Variants in PPFIA3 observed in about 807,000 individuals in gnomAD.
The protein encoded by PPFIA3 is liprin-alpha-3.
PPFIA3 carries 26 observed loss-of-function variants against 145.8 expected under a neutral mutation model. That is an observed-to-expected ratio of 0.18 (90% confidence interval 0.13 to 0.25). The LOEUF is 0.25. Ranked by LOEUF, PPFIA3 falls within the 10% of genes least tolerant of loss-of-function variation. The pLI, the probability that PPFIA3 is intolerant of heterozygous loss-of-function variation, is 1.00. For synonymous variants in PPFIA3, 645 were observed against 661.4 expected (o/e 0.98, Z 0.38); for missense variants, 1,008 against 1,587.8 (o/e 0.63, Z 6.21).
At chr19:49,125,405 T>G (rs2040985044) in intron 1 of PPFIA3, 2 of 152,354 alleles carry the variant, frequency 1.3e-5, no homozygotes, top group South Asian at 4.1e-4. Context: ...AAGTCCCTCC[T>G]GCTTTCCGCC....
Position 49,128,189 on chromosome 19 carries a change from T to A in PPFIA3, c.240+76T>A. The stretch of plus-strand genomic sequence containing the variant: ...GAAGGCGGTCCGGAAGGGGCCGGGC[T>A]TGGCGCCTGGAAGGGAGGAGTCTGG... On this transcript the variant is annotated intron_variant, in intron 2 of 29. Transcript: ENST00000334186. The surrounding 1 kb of genome is among the most constrained non-coding windows in gnomAD (Gnocchi z 4.1). 6.8e-7 allele frequency: 1 copy of A among 1,465,402 alleles called. No homozygotes were observed. Among genetic ancestry groups the A allele is most frequent in the Non-Finnish European group, 9.0e-7 (1 of 1,105,284 alleles). 90.8% of individuals were successfully genotyped at this position (1,465,402 alleles called of 1,614,324 possible).
chr19:49,149,246 C>T lies in PPFIA3; in HGVS notation c.3286-11C>T, dbSNP rs534799187. ...CACGCTCCAACCGCCCCCTCCACCT[C>T]CTCTTTCCAGGCCCGGCAGCTTCTG... On this transcript the variant is annotated splice_polypyrimidine_tract_variant and intron_variant, in intron 26 of 29. Coordinates refer to ENST00000334186, the MANE Select transcript of PPFIA3 (RefSeq NM_003660.4). The surrounding 1 kb of genome is among the most constrained non-coding windows in gnomAD (Gnocchi z 5.7). 48 of 1,614,244 alleles carry T rather than the reference C, an allele frequency of 3.0e-5. No homozygotes were observed. In the South Asian group the frequency reaches 4.2e-4, roughly 14 times the overall value.
intron 1 of PPFIA3, among the ~76,000 whole-genome samples, chr19:49,127,237 C>T (rs968062064): frequency 6.6e-6 from 1 of 151,516 alleles, no homozygotes; most frequent in African/African-American, 2.4e-5. Flanking sequence ...CAAAAATTAG[C>T]TGGGCATGGT....
chr19:49,123,862 T>G (rs2040966075), intron 1 of PPFIA3, among the ~76,000 whole-genome samples: 1 of 152,158 alleles, frequency 6.6e-6, no homozygotes, highest in Admixed American at 6.5e-5. Context: ...AGCCTTAGTT[T>G]AGAACTTGTC....
rs4002348 is a variant in PPFIA3, at chr19:49,140,639, C to CTTTTTTTTTTTT, written c.2368+568_2368+579dup. On this transcript the variant is annotated intron_variant, in intron 18 of 29. Coordinates refer to ENST00000334186, the MANE Select transcript of PPFIA3 (RefSeq NM_003660.4). ...GTGCTGGGATTACAGACTCATTTAC[C>CTTTTTTTTTTTT]TTTTTTTTTTTTTTTTTTTTTTTTT... 2.3e-3 allele frequency among the ~76,000 whole-genome samples: 146 copies of CTTTTTTTTTTTT among 63,838 alleles called. 15 individuals carry two copies. The highest frequency in any genetic ancestry group is 0.011 in the African/African-American group (139 of 12,760). The allele number at this position is 63,838 out of a possible 152,430, so 41.9% of individuals were successfully genotyped here.
chr19:49,142,774 C>CCCCTCTGT (rs370440589), intron 20 of PPFIA3, 30 bp from the exon 21 acceptor site: 40 of 1,582,868 alleles, frequency 2.5e-5, no homozygotes, highest in African/African-American at 5.4e-5. Flanking sequence ...GTCCCTCTGT[C>CCCCTCTGT]CCCTCTGTCC....
rs139931447 is a variant in PPFIA3 at position 49,123,845 on chromosome 19, C to T, written c.-15-4014C>T. ...CCATTCATTTTCTGTCATTTTTTCC[C>T]CAGTGCAGCCTTAGTTTAGAACTTG... is the stretch of plus-strand genomic sequence containing the variant. On this transcript the variant is annotated intron_variant, in intron 1 of 29. Coordinates refer to ENST00000334186, the MANE Select transcript of PPFIA3 (RefSeq NM_003660.4). Among the ~76,000 whole-genome samples, 486 of 152,242 alleles carry T rather than the reference C, an allele frequency of 3.2e-3. 3 individuals carry two copies. Among genetic ancestry groups the T allele is most frequent in the African/African-American group, 0.011 (460 of 41,532 alleles).
rs4002348 is a variant in PPFIA3 at position 49,140,639 on chromosome 19, CTTTTTTTTTTT to C, written c.2368+569_2368+579del. Among the ~76,000 whole-genome samples, 240 of 63,850 alleles carry C rather than the reference CTTTTTTTTTTT, an allele frequency of 3.8e-3. 1 individual carries two copies. Among genetic ancestry groups the C allele is most frequent in the African/African-American group, 0.017 (222 of 12,772 alleles). 41.9% of individuals were successfully genotyped at this position (63,850 alleles called of 152,430 possible). On this transcript the variant is annotated intron_variant, in intron 18 of 29. Coordinates refer to ENST00000334186, the MANE Select transcript of PPFIA3 (RefSeq NM_003660.4). ...GTGCTGGGATTACAGACTCATTTAC[CTTTTTTTTTTT>C]TTTTTTTTTTTTTTTTTGTTTGGAG...
At chr19:49,143,774 G>GC (rs1187750684) in intron 21 of PPFIA3, among the ~76,000 whole-genome samples, 4 of 152,200 alleles carry the variant, frequency 2.6e-5, no homozygotes, top group Non-Finnish European at 5.9e-5. Context: ...TCTGTTGTGT[G>GC]TGTGGGGTGG....
At chr19:49,145,728 C>T (rs531744368) in intron 21 of PPFIA3, 2 of 587,806 alleles carry the variant, frequency 3.4e-6, no homozygotes, top group South Asian at 2.0e-5. Context: ...GGCAGGGTCC[C>T]AATTCCAACC....
At chr19:49,143,141 C>G in intron 21 of PPFIA3, 137 bp downstream of exon 21, 1 of 983,266 alleles carries the variant, frequency 1.0e-6, no homozygotes, top group South Asian at 1.6e-5. Flanking sequence ...CCCTCAGCCT[C>G]CCCTCCACTC....
Position 49,141,536 on chromosome 19 carries a change from G to A in PPFIA3, c.2462+23G>A, listed in dbSNP as rs747431433. 1.0e-5 allele frequency: 15 copies of A among 1,478,832 alleles called. No homozygotes were observed. Among genetic ancestry groups the A allele is most frequent in the Middle Eastern group, 1.7e-4 (1 of 5,746 alleles). 91.6% of individuals were successfully genotyped at this position (1,478,832 alleles called of 1,614,324 possible). The stretch of plus-strand genomic sequence containing the variant: ...GAAGTGAGTGTGTGTGAGTGTGAGC[G>A]TGTGTGTGTGTATGTGAATGTGAGA... On this transcript the variant is annotated intron_variant, in intron 19 of 29. Transcript: ENST00000334186.
rs1161563619 is a variant in PPFIA3, at chr19:49,134,712, C to T, written c.1440+11C>T. The T allele has an allele frequency of 1.9e-6, 3 of 1,613,720 alleles. No individual in the cohort carries two copies. In the South Asian group the frequency reaches 3.3e-5, roughly 18 times the overall value. Reference sequence around the variant, plus strand: ...TTGCTGCTAAACAAGGTAGGGGGCCCTGAGGGGACAGGAGGAGGATGTTGG... The same window carrying T: ...TTGCTGCTAAACAAGGTAGGGGGCCTTGAGGGGACAGGAGGAGGATGTTGG... On this transcript the variant is annotated intron_variant, in intron 12 of 29. Transcript: ENST00000334186.
chr19:49,149,101 C>T lies in PPFIA3; in HGVS notation c.3218C>T (p.Ala1073Val). 1.2e-6 allele frequency: 2 copies of T among 1,614,152 alleles called. No individual in the cohort carries two copies. The highest frequency in any genetic ancestry group is 1.7e-6 in the Non-Finnish European group (2 of 1,180,020). Residue 1073 changes from alanine (A) to valine (V), a missense_variant, in exon 26 of 30, where the codon GCC (alanine) becomes GTC (valine). Around this residue, in one of 11 missense-constraint regions of PPFIA3, gnomAD observed 125 missense variants for 159.3 expected, o/e 0.78. Transcript: ENST00000334186. This position sits in a 1 kb window ranked among gnomAD's most constrained non-coding sequence, Gnocchi z 5.7. ...TESGVHGALL[A>V]LDETFDYSDL... ...AGCGGGGTACACGGGGCACTGCTCGCCCTGGACGAGACCTTCGACTACTCC... is the reference window on the plus strand; with the variant it reads ...AGCGGGGTACACGGGGCACTGCTCGTCCTGGACGAGACCTTCGACTACTCC...
In PPFIA3 at chr19:49,138,233, G is replaced by A. The variant is rs1483522986; in HGVS notation, c.1882G>A (p.Glu628Lys). The change falls in exon 16 of 30, where the codon GAA (glutamate) becomes AAA (lysine). Residue 628 changes from glutamate (E) to lysine (K), a missense_variant. Glu to Lys is a moderately conservative substitution (Grantham distance 56). Transcript: ENST00000334186. ...KLIQEEKETT[E>K]QRAEELESRV... ...GATCCAAGAGGAGAAGGAGACAACA[G>A]AACAGAGGGCAGAGGAGCTGGAGAG... is the stretch of plus-strand genomic sequence containing the variant. 6.2e-7 allele frequency: 1 copy of A among 1,608,768 alleles called. No individual in the cohort carries two copies. The highest frequency in any genetic ancestry group is 8.5e-7 in the Non-Finnish European group (1 of 1,176,244).
Position 49,135,891 on chromosome 19 carries a change from C to T in PPFIA3, c.1633C>T (p.Arg545Cys), listed in dbSNP as rs1335831217. 26 of 1,613,070 alleles carry T rather than the reference C, an allele frequency of 1.6e-5. No homozygotes were observed. Among genetic ancestry groups the T allele is most frequent in the Admixed American group, 3.3e-5 (2 of 59,934 alleles). The change falls in exon 14 of 30, where the codon CGC becomes TGC. Residue 545 changes from arginine (R) to cysteine (C), a missense_variant. Arg to Cys is a radical substitution (Grantham distance 180). Transcript: ENST00000334186. The part of the protein sequence containing the change: ...AGSGRAGKRG[R>C]WSGVKEEPSK... ...CAGTGGTCGGGCAGGCAAGAGGGGC[C>T]GCTGGTCAGGGGTCAAGGAGGAGCC...
intron 21 of PPFIA3, among the ~76,000 whole-genome samples, chr19:49,144,883 C>A (rs2041263075): frequency 1.3e-5 from 2 of 151,940 alleles, no homozygotes; most frequent in Admixed American, 1.3e-4. Flanking sequence ...CTTTATCACA[C>A]CTAAGGGCAT....
At chr19:49,141,223 C>A (rs7250825) in intron 18 of PPFIA3, among the ~76,000 whole-genome samples, 197 bp from the exon 19 acceptor site, 70,546 of 151,936 alleles carry the variant, frequency 0.46, 16,579 homozygotes, top group African/African-American at 0.52. Context: ...CCAAGGGCAT[C>A]CCAGTGCATC....
At chr19:49,145,874 G>T in intron 21 of PPFIA3, 69 bp from the exon 22 acceptor site, 1 of 1,428,808 alleles carries the variant, frequency 7.0e-7, no homozygotes, top group African/African-American at 1.4e-5. Flanking sequence ...GCCTTCAGGA[G>T]GACACCCTCC....
Sources: allele counts gnomAD v4.1 joint callset (sites outside exome capture counted in the v4.1 genomes callset), GRCh38; gene constraint gnomAD v4.1.1; regional missense constraint gnomAD v4.1.1; non-coding constraint Gnocchi (gnomAD v3.1); transcripts MANE v1.5; gene names NCBI Gene and HGNC (gene_info 2026-07-23, HGNC 2026-07-21).